The following GRIP1 variants were observed in gnomAD, a reference collection of about 807,000 sequenced individuals.
GRIP1 encodes glutamate receptor-interacting protein 1.
A neutral mutation model predicts 129.9 loss-of-function variants in GRIP1; 45 were observed. The ratio of observed to expected loss-of-function variants is 0.35; its 90% CI spans 0.27 to 0.44. The LOEUF (loss-of-function observed/expected upper bound fraction) is 0.44, where lower values mean the gene tolerates loss of function less well. GRIP1 is among the 20% of genes least tolerant of loss of function. The probability of loss-of-function intolerance (pLI) is 1.00; values close to 1 mark genes in which losing one functional copy is unlikely to be tolerated. For synonymous variants in GRIP1, 530 were observed against 520.8 expected (o/e 1.02, Z -0.24); for missense variants, 1,196 against 1,396.8 (o/e 0.86, Z 2.29).
intron 16 of GRIP1, among the ~76,000 whole-genome samples, chr12:66,396,884 G>C (rs1017124923): frequency 2.6e-5 from 4 of 151,872 alleles, no homozygotes; most frequent in Non-Finnish European, 5.9e-5. Context: ...GCCAAGGTGG[G>C]TGGACCACCT....
intron 1 of GRIP1, among the ~76,000 whole-genome samples, chr12:66,776,701 A>C (rs1175035745): frequency 6.6e-6 from 1 of 152,028 alleles, no homozygotes; most frequent in Non-Finnish European, 1.5e-5. Flanking sequence ...TAGAATCTAC[A>C]TTATTTATAA....
intron 1 of GRIP1, among the ~76,000 whole-genome samples, chr12:66,676,795 T>C (rs2034356276): frequency 6.6e-6 from 1 of 152,164 alleles, no homozygotes; most frequent in African/African-American, 2.4e-5. Context: ...GTCATTTTAA[T>C]ATTGTAATTA....
intron 15 of GRIP1, among the ~76,000 whole-genome samples, chr12:66,410,429 C>T (rs1053917407): frequency 1.4e-5 from 2 of 146,900 alleles, no homozygotes; most frequent in South Asian, 2.2e-4. Flanking sequence ...GTCAGGAGTT[C>T]GAGACAAGCC....
intron 2 of GRIP1, among the ~76,000 whole-genome samples, chr12:66,571,968 G>A (rs1162011039): frequency 1.3e-5 from 2 of 152,132 alleles, no homozygotes; most frequent in Non-Finnish European, 2.9e-5. Context: ...AGTAGGGCTG[G>A]TGTATGCACT....
At chr12:66,381,708 A>G (rs2056117362) in intron 19 of GRIP1, among the ~76,000 whole-genome samples, 2 of 152,240 alleles carry the variant, frequency 1.3e-5, no homozygotes, top group South Asian at 4.1e-4. Flanking sequence ...GAGTGCAAGA[A>G]TGGGCTTGAG....
At chr12:66,843,863 CAG>C (rs1425017619) in intron 1 of GRIP1, among the ~76,000 whole-genome samples, 2 of 151,978 alleles carry the variant, frequency 1.3e-5, no homozygotes, top group Non-Finnish European at 1.5e-5. Context: ...CAAGAAAACT[CAG>C]AGAAAAAGTT....
At chr12:66,377,843 G>A (rs1325275984) in intron 20 of GRIP1, among the ~76,000 whole-genome samples, 2 of 151,972 alleles carry the variant, frequency 1.3e-5, no homozygotes, top group Non-Finnish European at 1.5e-5. Flanking sequence ...ACTATTTGTG[G>A]CTGCTGCTAA....
At chr12:66,897,467 CA>C (rs1356908361) in intron 1 of GRIP1, among the ~76,000 whole-genome samples, 2 of 152,170 alleles carry the variant, frequency 1.3e-5, no homozygotes, top group South Asian at 4.1e-4. Flanking sequence ...CCATTTAGGT[CA>C]GAAAAATACA....
intron 24 of GRIP1, 34 bp from the exon 25 acceptor site, chr12:66,349,280 G>C: frequency 6.6e-7 from 1 of 1,517,438 alleles, no homozygotes; most frequent in Non-Finnish European, 9.2e-7. Context: ...TTGAATTATC[G>C]TTGTAACCAT....
intron 2 of GRIP1, among the ~76,000 whole-genome samples, chr12:66,556,013 G>A (rs2062318556): frequency 6.6e-6 from 1 of 152,062 alleles, no homozygotes; most frequent in Admixed American, 6.6e-5. Flanking sequence ...ATTATTCAAA[G>A]TGATAATAAC....
chr12:66,618,740 T>C (rs1164028729), intron 1 of GRIP1, among the ~76,000 whole-genome samples: 1 of 152,154 alleles, frequency 6.6e-6, no homozygotes, highest in East Asian at 1.9e-4. Flanking sequence ...TATCCACTAA[T>C]GCATGTTGTG....
chr12:66,707,622 A>AT (rs377600489), intron 1 of GRIP1, among the ~76,000 whole-genome samples: 118 of 151,404 alleles, frequency 7.8e-4, no homozygotes, highest in African/African-American at 2.8e-3. Flanking sequence ...AAGAGGTAAG[A>AT]TTTTTTGCAA....
chr12:66,769,087 C>A (rs151111512), intron 1 of GRIP1, among the ~76,000 whole-genome samples: 1 of 152,192 alleles, frequency 6.6e-6, no homozygotes. Flanking sequence ...GCCCCACCCC[C>A]AGAGTTTCTG....
At chr12:66,805,907 G>A (rs2038980617), upstream of GRIP1, among the ~76,000 whole-genome samples, 1 of 150,526 alleles carries the variant, frequency 6.6e-6, no homozygotes, top group Non-Finnish European at 1.5e-5. Context: ...CTGACAAAAA[G>A]ATGCTATAAA....
At chr12:66,694,700 G>A (rs2035094608) in intron 1 of GRIP1, among the ~76,000 whole-genome samples, 1 of 152,020 alleles carries the variant, frequency 6.6e-6, no homozygotes, top group South Asian at 2.1e-4. Context: ...TATTTCTGAG[G>A]TCTAATATTC....
intron 1 of GRIP1, among the ~76,000 whole-genome samples, chr12:66,658,639 T>C (rs1351307440): frequency 1.3e-5 from 2 of 150,918 alleles, no homozygotes; most frequent in Non-Finnish European, 2.9e-5. Context: ...CCAGGCATGG[T>C]GCCTCATGCC....
chr12:66,419,562 A>T (rs946102970), intron 15 of GRIP1, among the ~76,000 whole-genome samples: 1 of 152,220 alleles, frequency 6.6e-6, no homozygotes, highest in East Asian at 1.9e-4. Context: ...CTTGTATCCC[A>T]TAAGTATATA....
At chr12:66,354,666 A>C (rs2054394448) in intron 23 of GRIP1, among the ~76,000 whole-genome samples, 1 of 152,236 alleles carries the variant, frequency 6.6e-6, no homozygotes, top group Non-Finnish European at 1.5e-5. Flanking sequence ...TAATGCATGA[A>C]TACATTCTTG....
At chr12:66,457,007 T>A (rs977210540) in intron 9 of GRIP1, among the ~76,000 whole-genome samples, 1 of 152,188 alleles carries the variant, frequency 6.6e-6, no homozygotes, top group Non-Finnish European at 1.5e-5. Flanking sequence ...ACATTAGAAA[T>A]AATTATTAAA....
Sources: allele counts gnomAD v4.1 joint callset (sites outside exome capture counted in the v4.1 genomes callset), GRCh38; gene constraint gnomAD v4.1.1; transcripts MANE v1.5; gene names NCBI Gene and HGNC (gene_info 2026-07-23, HGNC 2026-07-21).